Variants in ASIC1 observed in about 807,000 individuals in gnomAD.
The protein encoded by ASIC1 is acid sensing ion channel subunit 1.
In ASIC1, 21 loss-of-function variants were observed where a neutral mutation model predicts 63.4. The ratio of observed to expected loss-of-function variants is 0.33; its 90% CI spans 0.23 to 0.48. The LOEUF (loss-of-function observed/expected upper bound fraction) is 0.48. Ranked by LOEUF, ASIC1 falls within the 20% of genes least tolerant of loss-of-function variation. ASIC1 has a pLI of 0.99. For synonymous variants in ASIC1, 258 were observed against 278.2 expected (o/e 0.93, Z 0.72); for missense variants, 478 against 695.5 (o/e 0.69, Z 3.52).
At chr12:50,080,266 C>T (rs1950701808) in intron 8 of ASIC1, 3 of 778,964 alleles carry the variant, frequency 3.9e-6, no homozygotes, top group Non-Finnish European at 6.1e-6. Flanking sequence ...CTTCTTCATC[C>T]TCATTGTTGT....
In ASIC1 at chr12:50,059,745, C is replaced by T. The variant is rs769182612; in HGVS notation, c.363-14C>T. 83 of 1,609,426 alleles carry T rather than the reference C, an allele frequency of 5.2e-5. No homozygotes were observed. Among genetic ancestry groups the T allele is most frequent in the Non-Finnish European group, 6.9e-5 (81 of 1,177,748 alleles). On this transcript the variant is annotated splice_polypyrimidine_tract_variant and intron_variant, in intron 2 of 11. Transcript: ENST00000447966. The surrounding 1 kb of genome is among the most constrained non-coding windows in gnomAD (Gnocchi z 4.6). ...ACTGTACTGACCCGTGTGTCACTCA[C>T]CCCCGGACCCCAGGTATGAGATACC... is the stretch of plus-strand genomic sequence containing the variant.
intron 3 of ASIC1, 141 bp from the exon 4 acceptor site, chr12:50,077,072 G>A (rs750266282): frequency 1.5e-6 from 2 of 1,340,872 alleles, no homozygotes; most frequent in South Asian, 1.2e-5. Flanking sequence ...TGGGAGAGGG[G>A]AGCAAATGGA....
In ASIC1 at chr12:50,080,243, C is replaced by A. The variant is rs546451555; in HGVS notation, c.1205+188C>A. On this transcript the variant is annotated intron_variant, in intron 8 of 11. Transcript: ENST00000447966. ...TCAAGCCAGAATAAGCAGGGAAGCA[C>A]CCCTTTCTCCTCCTTCTTCATCCTC... 20 of 853,918 alleles carry A rather than the reference C, an allele frequency of 2.3e-5. No homozygotes were observed. In the African/African-American group the frequency reaches 3.1e-4, roughly 13 times the overall value. 52.9% of individuals were successfully genotyped at this position (853,918 alleles called of 1,614,324 possible).
At chr12:50,061,222 G>T (rs1260041441) in intron 3 of ASIC1, among the ~76,000 whole-genome samples, 1 of 152,096 alleles carries the variant, frequency 6.6e-6, no homozygotes, top group Non-Finnish European at 1.5e-5. Flanking sequence ...ATGGGAATAT[G>T]AACTGTATTT....
At chr12:50,068,224 T>C (rs920221610) in intron 3 of ASIC1, among the ~76,000 whole-genome samples, 15 of 152,344 alleles carry the variant, frequency 9.8e-5, no homozygotes, top group Non-Finnish European at 1.6e-4. Context: ...TGATGCTGTA[T>C]AGTATCTCAT....
At chr12:50,079,833 A>C in intron 7 of ASIC1, 69 bp from the exon 8 acceptor site, 1 of 1,525,576 alleles carries the variant, frequency 6.6e-7, no homozygotes, top group Non-Finnish European at 8.9e-7. Flanking sequence ...CAGAGCTAGG[A>C]TGTGCATGTG....
rs368286426 is a variant in ASIC1 at position 50,079,009 on chromosome 12, G to T, written c.1051+29G>T. Reference sequence around the variant, plus strand: ...AGCGCCCCTGGCCTGGGGCAGTCTGGGGGAGGGAAAAGGTGCTGCCAGCCA... The same window carrying T: ...AGCGCCCCTGGCCTGGGGCAGTCTGTGGGAGGGAAAAGGTGCTGCCAGCCA... On this transcript the variant is annotated intron_variant, in intron 7 of 11. Transcript: ENST00000447966. 109 of 1,609,270 alleles carry T rather than the reference G, an allele frequency of 6.8e-5. No individual in the cohort carries two copies. The African/African-American group carries it at 1.3e-3, about 20-fold the overall frequency.
chr12:50,069,190 G>A (rs981117707), intron 3 of ASIC1, among the ~76,000 whole-genome samples: 22 of 143,378 alleles, frequency 1.5e-4, no homozygotes, highest in Admixed American at 3.4e-4. Context: ...TAGTGCGCAC[G>A]TGCACACACA....
chr12:50,058,134 C>A (rs1199946353), intron 1 of ASIC1, among the ~76,000 whole-genome samples: 1 of 152,050 alleles, frequency 6.6e-6, no homozygotes, highest in Non-Finnish European at 1.5e-5. Context: ...CGCGCCCCCC[C>A]TCCATACATC....
intron 3 of ASIC1, among the ~76,000 whole-genome samples, chr12:50,064,313 G>T (rs1108923): frequency 0.12 from 18,933 of 152,160 alleles, 1,558 homozygotes; most frequent in Non-Finnish European, 0.19. Context: ...CATTGCAGTT[G>T]CAGGAATCCA....
In ASIC1 at chr12:50,065,087, G is replaced by A. The variant is rs557444464; in HGVS notation, c.558+5133G>A. On this transcript the variant is annotated intron_variant, in intron 3 of 11. Transcript: ENST00000447966. ...AACTCAGCCTCTCGGAAAATGCCAG[G>A]TTCATAGAATATGTTGGTGTCTCCC... Among the ~76,000 whole-genome samples, 19 of 152,268 alleles carry A rather than the reference G, an allele frequency of 1.2e-4. No homozygotes were observed. The East Asian group carries it at 3.7e-3, about 29-fold the overall frequency.
chr12:50,075,951 C>A (rs1950650955), intron 3 of ASIC1, among the ~76,000 whole-genome samples: 1 of 152,184 alleles, frequency 6.6e-6, no homozygotes, highest in African/African-American at 2.4e-5. Context: ...GGGGAGACAG[C>A]CCCTGGGGCT....
chr12:50,066,589 T>A (rs1279536235), intron 3 of ASIC1, among the ~76,000 whole-genome samples: 1 of 152,214 alleles, frequency 6.6e-6, no homozygotes, highest in East Asian at 1.9e-4. Context: ...AGGACCTCCC[T>A]GAGGAAGTCA....
intron 3 of ASIC1, 50 bp downstream of exon 3, chr12:50,060,004 G>A: frequency 6.3e-7 from 1 of 1,597,598 alleles, no homozygotes; most frequent in Non-Finnish European, 8.5e-7. Context: ...CAGAGGAGGA[G>A]GAGGAGACAA....
Position 50,059,788 on chromosome 12 carries a change from A to T in ASIC1, c.392A>T (p.Asp131Val), listed in dbSNP as rs761492729. ...RYEIPDTQMA[D>V]EKQLEILQDK... is the part of the protein sequence containing the mutation. ...GAGATACCAGACACACAGATGGCAG[A>T]TGAAAAGCAGCTGGAGATACTGCAG... Residue 131 changes from aspartate to valine, a missense_variant, in exon 3 of 12, where the codon GAT becomes GTT. Transcript: ENST00000447966. The surrounding 1 kb of genome is among the most constrained non-coding windows in gnomAD (Gnocchi z 4.6). 5.0e-6 allele frequency: 8 copies of T among 1,613,858 alleles called. No homozygotes were observed. In the Admixed American group the frequency reaches 8.3e-5, roughly 17 times the overall value.
intron 3 of ASIC1, among the ~76,000 whole-genome samples, chr12:50,069,054 G>C (rs905898964): frequency 4.6e-5 from 7 of 152,020 alleles, no homozygotes; most frequent in Non-Finnish European, 7.4e-5. Context: ...TGAGTGACCT[G>C]GGTCCTCCCT....
chr12:50,076,950 A>T (rs1420394991), intron 3 of ASIC1: 2 of 619,006 alleles, frequency 3.2e-6, no homozygotes, highest in African/African-American at 3.6e-5. Context: ...ATACCTCCCA[A>T]CTGTCAACCC....
Position 50,074,160 on chromosome 12 carries a change from C to A in ASIC1, c.559-3053C>A. 6.5e-7 allele frequency: 1 copy of A among 1,535,224 alleles called. No individual in the cohort carries two copies. Among genetic ancestry groups the A allele is most frequent in the South Asian group, 1.2e-5 (1 of 83,998 alleles). On this transcript the variant is annotated intron_variant, in intron 3 of 11. Coordinates refer to ENST00000447966, the MANE Select transcript of ASIC1 (RefSeq NM_001095.4). This position sits in a 1 kb window ranked among gnomAD's most constrained non-coding sequence, Gnocchi z 4.2. The stretch of plus-strand genomic sequence containing the variant: ...AGCCCTTTAACCTGCACCGCTTCTA[C>A]AATCGCTCCTGCCACCGGCTGGAGG...
At chr12:50,079,169 T>C (rs566022351) in intron 7 of ASIC1, among the ~76,000 whole-genome samples, 189 bp downstream of exon 7, 36 of 152,222 alleles carry the variant, frequency 2.4e-4, no homozygotes, top group African/African-American at 8.4e-4. Flanking sequence ...CCCAGCACTT[T>C]GGGAGGCTGA....
Sources: gnomAD v4.1 joint callset for allele counts (sites outside exome capture counted in the v4.1 genomes callset) on GRCh38, gnomAD v4.1.1 for gene constraint, Gnocchi (gnomAD v3.1) non-coding constraint, MANE v1.5 for transcripts, NCBI Gene and HGNC (gene_info 2026-07-23, HGNC 2026-07-21) for gene names.